DYNC1H1: variants seen among roughly 807,000 people sequenced by gnomAD.
DYNC1H1 encodes the protein dynein cytoplasmic 1 heavy chain 1, also known as cytoplasmic dynein 1 heavy chain 1.
Under a neutral mutation model 527.1 loss-of-function variants are expected in DYNC1H1, and 51 were observed. That is an observed-to-expected ratio of 0.10 (90% CI 0.08 to 0.12). The LOEUF is 0.12. Among genes scored for constraint, DYNC1H1 ranks in the 10% least tolerant of loss-of-function variants. The probability of loss-of-function intolerance (pLI) is 1.00; values close to 1 mark genes in which losing one functional copy is unlikely to be tolerated. For missense variants in DYNC1H1, 2,771 were observed against 5,971.8 expected (o/e 0.46, Z 17.66); for synonymous variants, 2,189 against 2,278.8 (o/e 0.96, Z 1.12).
chr14:102,036,207 G>A lies in DYNC1H1; in HGVS notation c.10755-282G>A. 1 of 409,060 alleles carries A rather than the reference G, an allele frequency of 2.4e-6. No homozygotes were observed. Among genetic ancestry groups the A allele is most frequent in the Non-Finnish European group, 4.6e-6 (1 of 215,732 alleles). 25.3% of individuals were successfully genotyped at this position (409,060 alleles called of 1,614,324 possible). ...AGCTATTCTAACAGTGCAGGATGCT[G>A]AGAGGATGATTGTCCCAGAAGGAAA... is the stretch of plus-strand genomic sequence containing the variant. On this transcript the variant is annotated intron_variant, in intron 56 of 77. Coordinates refer to ENST00000360184, the MANE Select transcript of DYNC1H1 (RefSeq NM_001376.5). The surrounding 1 kb of genome is among the most constrained non-coding windows in gnomAD (Gnocchi z 5.6).
rs1321142436 is a variant in DYNC1H1, at chr14:102,044,577, AATGC to A, written c.12903-16_12903-13del. The A allele has an allele frequency of 6.2e-7, 1 of 1,614,124 alleles. No individual in the cohort carries two copies. Among genetic ancestry groups the A allele is most frequent in the South Asian group, 1.1e-5 (1 of 91,078 alleles). The stretch of plus-strand genomic sequence containing the variant: ...GAGGTGACCCCTGACATCATTTCCA[AATGC>A]ACTGGTTTTCTAGGCGAGAGGAGTT... On this transcript the variant is annotated splice_polypyrimidine_tract_variant and intron_variant, in intron 71 of 77. Coordinates refer to ENST00000360184, the MANE Select transcript of DYNC1H1 (RefSeq NM_001376.5). This position sits in a 1 kb window ranked among gnomAD's most constrained non-coding sequence, Gnocchi z 7.1.
intron 34 of DYNC1H1, among the ~76,000 whole-genome samples, chr14:102,014,054 C>T (rs1160799338): frequency 1.3e-5 from 2 of 152,206 alleles, no homozygotes; most frequent in African/African-American, 4.8e-5. Context: ...AAAGTGTGCA[C>T]TTACTCCAAC....
chr14:102,039,979 A>G lies in DYNC1H1; in HGVS notation c.11690+247A>G, dbSNP rs537895983. Among the ~76,000 whole-genome samples, 1 of 152,270 alleles carries G rather than the reference A, an allele frequency of 6.6e-6. No individual in the cohort carries two copies. The highest frequency in any genetic ancestry group is 2.4e-5 in the African/African-American group (1 of 41,552). On this transcript the variant is annotated intron_variant, in intron 62 of 77. Coordinates refer to ENST00000360184, the MANE Select transcript of DYNC1H1 (RefSeq NM_001376.5). The surrounding 1 kb of genome is among the most constrained non-coding windows in gnomAD (Gnocchi z 7.0). ...CAGTCTCCGAAGTAGCTAGGACTAT[A>G]GGCGCAGGCCACCACATCTGGCTAA...
Position 102,033,383 on chromosome 14 carries a change from C to G in DYNC1H1, c.10312C>G (p.Arg3438Gly). The G allele has an allele frequency of 6.2e-7, 1 of 1,614,194 alleles. No homozygotes were observed. ...GGCCAACGAGGTGGAGCAGATGATC[C>G]GAGACCTGGAAGCCAGCATCGCCCG... ...QKANEVEQMI[R>G]DLEASIARYK... The change falls in exon 54 of 78, where the codon CGA (arginine) becomes GGA (glycine). Residue 3438 changes from arginine (R) to glycine (G), a missense_variant. This residue lies in a region of DYNC1H1 where 283 missense variants were observed against 737.6 expected (regional missense o/e 0.38). Transcript: ENST00000360184. The surrounding 1 kb of genome is among the most constrained non-coding windows in gnomAD (Gnocchi z 5.6).
chr14:102,036,786 C>T lies in DYNC1H1; in HGVS notation c.10908+144C>T, dbSNP rs2048580509. On this transcript the variant is annotated intron_variant, in intron 57 of 77. Coordinates refer to ENST00000360184, the MANE Select transcript of DYNC1H1 (RefSeq NM_001376.5). This position sits in a 1 kb window ranked among gnomAD's most constrained non-coding sequence, Gnocchi z 5.6. ...GCGGTGGTTCTGTAATAGATAAATTCAACAGAATCATTATTTGCATTTAAA... is the reference window on the plus strand; with the variant it reads ...GCGGTGGTTCTGTAATAGATAAATTTAACAGAATCATTATTTGCATTTAAA... 1 of 1,114,828 alleles carries T rather than the reference C, an allele frequency of 9.0e-7. No individual in the cohort carries two copies. Among genetic ancestry groups the T allele is most frequent in the Non-Finnish European group, 1.3e-6 (1 of 747,046 alleles). 69.1% of individuals were successfully genotyped at this position (1,114,828 alleles called of 1,614,324 possible).
rs1595601645 is a variant in DYNC1H1 at position 101,987,455 on chromosome 14, G to A, written c.2541G>A (p.Val847=). Residue 847 remains valine (V), a splice_region_variant and synonymous_variant, in exon 9 of 78, where the codon GTG becomes GTA. Transcript: ENST00000360184. ...ATATTAAATATTTCTTCCTTCAGGT[G>A]GATGATCTGCTGATCATTGAAGAAA... The part of the protein sequence containing the change: ...AETVFNFQEK[V]DDLLIIEEKI... The A allele has an allele frequency of 2.5e-6, 4 of 1,613,742 alleles. No individual in the cohort carries two copies. Among genetic ancestry groups the A allele is most frequent in the Non-Finnish European group, 3.4e-6 (4 of 1,179,698 alleles).
intron 42 of DYNC1H1, among the ~76,000 whole-genome samples, chr14:102,021,712 T>A (rs944555860): frequency 1.4e-5 from 2 of 147,002 alleles, no homozygotes; most frequent in South Asian, 2.1e-4. Context: ...CAGGCTAGAG[T>A]GCAATGGCAT....
chr14:102,000,936 TTATG>T lies in DYNC1H1; in HGVS notation c.4075-16_4075-13del, dbSNP rs2060881993. On this transcript the variant is annotated splice_polypyrimidine_tract_variant and intron_variant, in intron 18 of 77. Coordinates refer to ENST00000360184, the MANE Select transcript of DYNC1H1 (RefSeq NM_001376.5). ...AAATGTTGGCAAGCTAAATAGCATC[TTATG>T]TTTCTCTCGACAGCTTCGACAAAAT... 6.2e-7 allele frequency: 1 copy of T among 1,603,478 alleles called. No homozygotes were observed. The highest frequency in any genetic ancestry group is 1.3e-5 in the African/African-American group (1 of 74,700).
intron 7 of DYNC1H1, among the ~76,000 whole-genome samples, chr14:101,984,431 GTA>G (rs1555408227): frequency 0.026 from 2,182 of 82,634 alleles, 30 homozygotes; most frequent in Non-Finnish European, 0.04. Context: ...GTGTGTGTGT[GTA>G]TATATATATA....
In DYNC1H1 at chr14:102,044,878, A is replaced by T. The variant is rs113402596; in HGVS notation, c.13006+180A>T. 1.5e-5 allele frequency: 10 copies of T among 681,846 alleles called. No homozygotes were observed. In the African/African-American group the frequency reaches 1.8e-4, roughly 12 times the overall value. 42.2% of individuals were successfully genotyped at this position (681,846 alleles called of 1,614,324 possible). On this transcript the variant is annotated intron_variant, in intron 72 of 77. Coordinates refer to ENST00000360184, the MANE Select transcript of DYNC1H1 (RefSeq NM_001376.5). The surrounding 1 kb of genome is among the most constrained non-coding windows in gnomAD (Gnocchi z 7.1). Reference sequence around the variant, plus strand: ...TTCCTGCCAGTCTCCAGCTGCTCCTAGCTCCACTCCGAGGGGAGGCAGAGG... The same window carrying T: ...TTCCTGCCAGTCTCCAGCTGCTCCTTGCTCCACTCCGAGGGGAGGCAGAGG...
chr14:101,980,340 T>C, intron 4 of DYNC1H1, 24 bp from the exon 5 acceptor site: 1 of 1,613,136 alleles, frequency 6.2e-7, no homozygotes, highest in Non-Finnish European at 8.5e-7. Context: ...GTGAATACCC[T>C]TGGGTGTTAT....
In DYNC1H1 at chr14:102,027,357, G is replaced by C; in HGVS notation, c.8887-26G>C. ...GTGCAGAGCTCAGTGAGTAGGAATG[G>C]ACCTAACTTGCCTCTGCTTCTGTAG... On this transcript the variant is annotated intron_variant, in intron 45 of 77. Transcript: ENST00000360184. This position sits in a 1 kb window ranked among gnomAD's most constrained non-coding sequence, Gnocchi z 7.7. The C allele has an allele frequency of 6.2e-7, 1 of 1,614,078 alleles. No individual in the cohort carries two copies. Among genetic ancestry groups the C allele is most frequent in the Non-Finnish European group, 8.5e-7 (1 of 1,180,004 alleles).
chr14:102,001,007 G>A lies in DYNC1H1; in HGVS notation c.4128G>A (p.Arg1376=), dbSNP rs747025336. 1 of 1,614,244 alleles carries A rather than the reference G, an allele frequency of 6.2e-7. No individual in the cohort carries two copies. The highest frequency in any genetic ancestry group is 1.1e-5 in the South Asian group (1 of 91,088). ...LLNQLKSFPA[R]LRQYASYEFV... ...ACCAGCTGAAAAGCTTCCCTGCCCG[G>A]TTGCGACAGTATGCGTCCTATGAGT... The change falls in exon 19 of 78, where the codon CGG becomes CGA. Residue 1376 remains arginine (R), a synonymous_variant. Transcript: ENST00000360184. The surrounding 1 kb of genome is among the most constrained non-coding windows in gnomAD (Gnocchi z 5.0).
At chr14:101,982,641 G>T (rs373359390) in intron 5 of DYNC1H1, among the ~76,000 whole-genome samples, 1 of 151,828 alleles carries the variant, frequency 6.6e-6, no homozygotes, top group East Asian at 1.9e-4. Context: ...TAATGTGCTC[G>T]AATCACCTAG....
chr14:102,044,384 C>T lies in DYNC1H1; in HGVS notation c.12795C>T (p.Leu4265=), dbSNP rs371160908. ...RVDNEFDQRL[L]NTFLERLFTT... ...ACAACGAGTTTGACCAGCGTCTGCT[C>T]AACACCTTCCTGGAGCGCCTGTTCA... Residue 4265 remains leucine (L), a synonymous_variant, in exon 71 of 78, where the codon CTC becomes CTT. Transcript: ENST00000360184. The surrounding 1 kb of genome is among the most constrained non-coding windows in gnomAD (Gnocchi z 7.1). 45 of 1,614,156 alleles carry T rather than the reference C, an allele frequency of 2.8e-5. No homozygotes were observed. The African/African-American group carries it at 3.9e-4, about 14-fold the overall frequency.
At chr14:102,037,509 G>A (rs2048592160) in intron 57 of DYNC1H1, 1 of 151,982 alleles carries the variant, frequency 6.6e-6, no homozygotes. Flanking sequence ...GGATGGAGCT[G>A]GAGGCCATTA....
intron 1 of DYNC1H1, among the ~76,000 whole-genome samples, chr14:101,972,474 G>A (rs1345066170): frequency 6.6e-6 from 1 of 152,182 alleles, no homozygotes; most frequent in Non-Finnish European, 1.5e-5. Context: ...TTGCATTATC[G>A]TTGTTTGAGG....
chr14:102,048,819 C>T (rs536502719), intron 74 of DYNC1H1, 150 bp downstream of exon 74: 47 of 339,636 alleles, frequency 1.4e-4, no homozygotes, highest in African/African-American at 8.1e-4. Context: ...TCAAGGTGGG[C>T]GGGGGGAGGG....
chr14:102,016,136 A>G lies in DYNC1H1; in HGVS notation c.7473+50A>G. The G allele has an allele frequency of 1.3e-6, 2 of 1,553,262 alleles. No individual in the cohort carries two copies. Among genetic ancestry groups the G allele is most frequent in the African/African-American group, 1.4e-5 (1 of 73,324 alleles). On this transcript the variant is annotated intron_variant, in intron 36 of 77. Transcript: ENST00000360184. This position sits in a 1 kb window ranked among gnomAD's most constrained non-coding sequence, Gnocchi z 7.3. ...AGAGCTCACCACTGCGCCAGACCACAGGTCTGAGGACCTCTGAAATGCTGC... is the reference window on the plus strand; with the variant it reads ...AGAGCTCACCACTGCGCCAGACCACGGGTCTGAGGACCTCTGAAATGCTGC...
Sources: allele counts gnomAD v4.1 joint callset (sites outside exome capture counted in the v4.1 genomes callset), GRCh38; gene constraint gnomAD v4.1.1; regional missense constraint gnomAD v4.1.1; non-coding constraint Gnocchi (gnomAD v3.1); transcripts MANE v1.5; gene names NCBI Gene and HGNC (gene_info 2026-07-23, HGNC 2026-07-21).